Variants in AIG1 observed in about 807,000 individuals in gnomAD.
The protein encoded by AIG1 is androgen-induced gene 1 protein.
In AIG1, 23 loss-of-function variants were observed where a neutral mutation model predicts 31.4. That is an observed-to-expected ratio of 0.73 (90% CI 0.53 to 1.04). AIG1 has a LOEUF of 1.04. Among genes scored for constraint, AIG1 ranks in the 50% least tolerant of loss-of-function variants. The probability of loss-of-function intolerance (pLI) is 0.00; values close to 1 mark genes in which losing one functional copy is unlikely to be tolerated. For synonymous variants in AIG1, 100 were observed against 110.5 expected (o/e 0.90, Z 0.60); for missense variants, 274 against 295.0 (o/e 0.93, Z 0.52).
At chr6:143,204,324 C>T (rs1790937347) in intron 3 of AIG1, among the ~76,000 whole-genome samples, 1 of 152,136 alleles carries the variant, frequency 6.6e-6, no homozygotes, top group Non-Finnish European at 1.5e-5. Flanking sequence ...GGCTGGAAGT[C>T]TGTGCTCAGC....
At chr6:143,067,546 A>G (rs549289259) in intron 1 of AIG1, among the ~76,000 whole-genome samples, 1 of 152,320 alleles carries the variant, frequency 6.6e-6, no homozygotes, top group East Asian at 1.9e-4. Context: ...AAAAAATGTT[A>G]AAGAGGGAAA....
In AIG1 at chr6:143,288,999, A is replaced by G. The variant is rs1562560459; in HGVS notation, c.515+4774A>G. Among the ~76,000 whole-genome samples the G allele has an allele frequency of 6.6e-6, 1 of 152,156 alleles. No homozygotes were observed. The highest frequency in any genetic ancestry group is 1.5e-5 in the Non-Finnish European group (1 of 68,024). Reference sequence around the variant, plus strand: ...TAGAAAGAAATGCTTGAGTTAAGATAAGGGAGGTTGTGGAGACCAAGGTTC... The same window carrying G: ...TAGAAAGAAATGCTTGAGTTAAGATGAGGGAGGTTGTGGAGACCAAGGTTC... On this transcript the variant is annotated intron_variant, in intron 4 of 5. Transcript: ENST00000357847. The surrounding 1 kb of genome is among the most constrained non-coding windows in gnomAD (Gnocchi z 4.4).
chr6:143,062,630 G>A (rs1583034159), intron 1 of AIG1, among the ~76,000 whole-genome samples: 1 of 152,144 alleles, frequency 6.6e-6, no homozygotes, highest in African/African-American at 2.4e-5. Context: ...GACATTTTCT[G>A]TATACTGAAT....
chr6:143,182,610 C>G (rs1351598962), intron 3 of AIG1, among the ~76,000 whole-genome samples: 1 of 152,116 alleles, frequency 6.6e-6, no homozygotes, highest in Non-Finnish European at 1.5e-5. Flanking sequence ...AACCCTGCTC[C>G]CCCTTCCCAT....
intron 1 of AIG1, among the ~76,000 whole-genome samples, chr6:143,136,000 C>T (rs887297051): frequency 2.0e-4 from 30 of 152,278 alleles, no homozygotes; most frequent in Non-Finnish European, 2.2e-4. Flanking sequence ...AGCTGCATTA[C>T]AGTATGCTGC....
At chr6:143,120,110 T>G (rs927972906) in intron 1 of AIG1, among the ~76,000 whole-genome samples, 7 of 152,104 alleles carry the variant, frequency 4.6e-5, no homozygotes, top group African/African-American at 1.7e-4. Flanking sequence ...TTTTTTGTAT[T>G]TTTAGCAGAG....
chr6:143,152,176 T>C (rs1785300225), intron 2 of AIG1, among the ~76,000 whole-genome samples: 1 of 152,222 alleles, frequency 6.6e-6, no homozygotes, highest in Non-Finnish European at 1.5e-5. Flanking sequence ...CACATAGTCA[T>C]CTAACATAGG....
intron 3 of AIG1, among the ~76,000 whole-genome samples, chr6:143,281,969 A>G (rs1293912680): frequency 6.6e-6 from 1 of 152,180 alleles, no homozygotes; most frequent in Non-Finnish European, 1.5e-5. Flanking sequence ...TCCTTTTTCA[A>G]ATTGATTTTC....
intron 1 of AIG1, among the ~76,000 whole-genome samples, chr6:143,091,123 G>A (rs142401406): frequency 4.6e-5 from 7 of 152,144 alleles, no homozygotes; most frequent in African/African-American, 9.6e-5. Context: ...GTGTCATGAC[G>A]TTGCAGCAAT....
rs1175870072 is a variant in AIG1 at position 143,297,218 on chromosome 6, C to G, written c.515+12993C>G. On this transcript the variant is annotated intron_variant, in intron 4 of 5. Transcript: ENST00000357847. This position sits in a 1 kb window ranked among gnomAD's most constrained non-coding sequence, Gnocchi z 5.1. Reference sequence around the variant, plus strand: ...AATAAGAGTTAGCTTTGTGAAGGTCCAGGATAAAAGTGTCCCAGGCAGAAA... The same window carrying G: ...AATAAGAGTTAGCTTTGTGAAGGTCGAGGATAAAAGTGTCCCAGGCAGAAA... Among the ~76,000 whole-genome samples the G allele has an allele frequency of 1.3e-5, 2 of 152,056 alleles. No individual in the cohort carries two copies. The highest frequency in any genetic ancestry group is 4.8e-5 in the African/African-American group (2 of 41,400).
At chr6:143,073,093 T>A (rs1777438027) in intron 1 of AIG1, among the ~76,000 whole-genome samples, 1 of 152,110 alleles carries the variant, frequency 6.6e-6, no homozygotes, top group South Asian at 2.1e-4. Context: ...TATATTTGAA[T>A]TTTTTTTGGA....
intron 1 of AIG1, among the ~76,000 whole-genome samples, chr6:143,103,322 A>T (rs1288623938): frequency 6.6e-6 from 1 of 152,124 alleles, no homozygotes; most frequent in East Asian, 1.9e-4. Context: ...TTCTAAGGTA[A>T]CATTGATTAG....
At chr6:143,151,288 T>C (rs987985637) in intron 2 of AIG1, among the ~76,000 whole-genome samples, 1 of 152,174 alleles carries the variant, frequency 6.6e-6, no homozygotes, top group African/African-American at 2.4e-5. Flanking sequence ...ATTGTGTTTG[T>C]AAGTGTGCTC....
intron 4 of AIG1, among the ~76,000 whole-genome samples, chr6:143,287,504 C>G (rs1797765936): frequency 6.6e-6 from 1 of 152,070 alleles, no homozygotes. Context: ...CCTCCACTGC[C>G]CTTGCTGTGT....
intron 3 of AIG1, chr6:143,188,243 A>T (rs1789455238): frequency 1.0e-6 from 1 of 989,154 alleles, no homozygotes; most frequent in African/African-American, 1.7e-5. Flanking sequence ...TTCTTTCCTC[A>T]GTAGGCACAC....
chr6:143,230,180 T>A (rs181418371), intron 3 of AIG1, among the ~76,000 whole-genome samples: 3 of 152,238 alleles, frequency 2.0e-5, no homozygotes, highest in Non-Finnish European at 4.4e-5. Context: ...AGTTTCCCAA[T>A]GGAAGGTATG....
intron 3 of AIG1, among the ~76,000 whole-genome samples, chr6:143,216,731 G>C (rs1583534154): frequency 6.6e-6 from 1 of 152,152 alleles, no homozygotes; most frequent in East Asian, 1.9e-4. Flanking sequence ...ACTTTGTATT[G>C]AGAGAGATTA....
At chr6:143,209,696 C>T (rs747460673) in intron 3 of AIG1, among the ~76,000 whole-genome samples, 3 of 152,130 alleles carry the variant, frequency 2.0e-5, no homozygotes, top group Non-Finnish European at 4.4e-5. Context: ...ATGTCAGACT[C>T]CTGACCTTGG....
chr6:143,268,906 A>T lies in AIG1; in HGVS notation c.400-15204A>T, dbSNP rs1796324908. ...CTTATGTGAAGACAGCAGCCTTACT[A>T]AGTTCAGACCCCCTTCCTGTGGCAG... On this transcript the variant is annotated intron_variant, in intron 3 of 5. Transcript: ENST00000357847. The surrounding 1 kb of genome is among the most constrained non-coding windows in gnomAD (Gnocchi z 5.0). Among the ~76,000 whole-genome samples the T allele has an allele frequency of 6.6e-6, 1 of 152,124 alleles. No homozygotes were observed. Among genetic ancestry groups the T allele is most frequent in the Admixed American group, 6.5e-5 (1 of 15,284 alleles).
Sources: gnomAD v4.1 joint callset for allele counts (sites outside exome capture counted in the v4.1 genomes callset) on GRCh38, gnomAD v4.1.1 for gene constraint, Gnocchi (gnomAD v3.1) non-coding constraint, MANE v1.5 for transcripts, NCBI Gene and HGNC (gene_info 2026-07-23, HGNC 2026-07-21) for gene names.